Variants in DIAPH3 observed in about 807,000 individuals in gnomAD.
DIAPH3 encodes the protein diaphanous related formin 3.
DIAPH3 carries 117 observed loss-of-function variants against 144.3 expected under a neutral mutation model. The ratio of observed to expected loss-of-function variants is 0.81; its 90% CI spans 0.70 to 0.95. The LOEUF (loss-of-function observed/expected upper bound fraction) is 0.95, where lower values mean the gene tolerates loss of function less well. Among genes scored for constraint, DIAPH3 ranks in the 40% least tolerant of loss-of-function variants. The probability of loss-of-function intolerance (pLI) is 0.00; values close to 1 mark genes in which losing one functional copy is unlikely to be tolerated. For synonymous variants in DIAPH3, 519 were observed against 488.9 expected, an observed-to-expected ratio of 1.06 and a Z score of -0.81; for missense variants, 1,421 against 1,412.7, an observed-to-expected ratio of 1.01 and a Z score of -0.09.
chr13:59,776,769 C>T (rs995873205), intron 25 of DIAPH3, among the ~76,000 whole-genome samples: 1 of 151,962 alleles, frequency 6.6e-6, no homozygotes, highest in South Asian at 2.1e-4. Context: ...GATTCTCAGA[C>T]TATTGTGTGT....
chr13:59,740,556 T>C (rs1047446454), intron 27 of DIAPH3, among the ~76,000 whole-genome samples: 4 of 152,196 alleles, frequency 2.6e-5, no homozygotes, highest in African/African-American at 9.7e-5. Context: ...GAAGTTCTTC[T>C]ACAGTTTGTA....
intron 5 of DIAPH3, among the ~76,000 whole-genome samples, chr13:60,034,258 C>T (rs2055029228): frequency 6.6e-6 from 1 of 152,172 alleles, no homozygotes; most frequent in South Asian, 2.1e-4. Flanking sequence ...ATAAGGTTTA[C>T]ATTCTCAGAA....
intron 27 of DIAPH3, among the ~76,000 whole-genome samples, chr13:59,681,473 T>C (rs994081725): frequency 3.3e-5 from 5 of 152,082 alleles, no homozygotes; most frequent in African/African-American, 7.2e-5. Context: ...TGAGAGCCTC[T>C]CTCAAAAACA....
chr13:59,912,655 T>C (rs905604633), intron 19 of DIAPH3, among the ~76,000 whole-genome samples: 4 of 152,162 alleles, frequency 2.6e-5, no homozygotes, highest in African/African-American at 4.8e-5. Flanking sequence ...AGTTAGTGCA[T>C]TGATATTAAA....
At chr13:59,807,692 C>T (rs1448771021) in intron 25 of DIAPH3, among the ~76,000 whole-genome samples, 2 of 151,756 alleles carry the variant, frequency 1.3e-5, no homozygotes, top group African/African-American at 4.8e-5. Context: ...TACTTGAGGC[C>T]CACCGATGTT....
At chr13:59,743,006 G>A (rs537876558) in intron 27 of DIAPH3, among the ~76,000 whole-genome samples, 1 of 152,226 alleles carries the variant, frequency 6.6e-6, no homozygotes, top group East Asian at 1.9e-4. Flanking sequence ...ATCACACTGG[G>A]AACTGCCAGT....
At chr13:59,718,124 A>T (rs1477244637) in intron 27 of DIAPH3, among the ~76,000 whole-genome samples, 1 of 149,080 alleles carries the variant, frequency 6.7e-6, no homozygotes, top group East Asian at 1.9e-4. Context: ...TTCCAGTTTT[A>T]CAGGTGAGGA....
intron 5 of DIAPH3, among the ~76,000 whole-genome samples, chr13:60,034,248 A>G (rs2055028094): frequency 6.6e-6 from 1 of 152,250 alleles, no homozygotes; most frequent in South Asian, 2.1e-4. Flanking sequence ...CCATAAACAC[A>G]TAAGGTTTAC....
intron 7 of DIAPH3, chr13:60,013,348 A>G (rs1274933203): frequency 1.2e-5 from 4 of 328,320 alleles, no homozygotes; most frequent in Non-Finnish European, 1.3e-5. Context: ...CAGCATGACT[A>G]CTAGTGCTGA....
intron 1 of DIAPH3, among the ~76,000 whole-genome samples, chr13:60,136,159 A>G (rs1391616802): frequency 6.6e-6 from 1 of 152,214 alleles, no homozygotes; most frequent in African/African-American, 2.4e-5. Context: ...TTGTAAATAC[A>G]AAACTATAAG....
chr13:59,703,036 T>A (rs2034200270), intron 27 of DIAPH3, among the ~76,000 whole-genome samples: 1 of 152,174 alleles, frequency 6.6e-6, no homozygotes. Flanking sequence ...CTTTTCCTAA[T>A]CTTTAAAATA....
At chr13:59,776,594 C>G (rs56017018) in intron 25 of DIAPH3, among the ~76,000 whole-genome samples, 3,441 of 150,966 alleles carry the variant, frequency 0.023, 137 homozygotes, top group African/African-American at 0.08. Context: ...CAAATAGAAA[C>G]AAATAAACAT....
Position 59,774,728 on chromosome 13 carries a change from CT to C in DIAPH3, c.3258del (p.Asp1087MetfsTer15), listed in dbSNP as rs2038303748. On this transcript the variant is annotated frameshift_variant and splice_region_variant, in exon 26 of 28. Transcript: ENST00000400324. LOFTEE classifies it high-confidence loss of function. ...AACATGAAACAAGTATAGGGTTCACCTTTTGGCATCGGTGTCCTTTTTCTTC... is the reference window on the plus strand; with the variant it reads ...AACATGAAACAAGTATAGGGTTCACCTTTGGCATCGGTGTCCTTTTTCTTC... ...RDRRKRTPMPKDVRQSLSPMS... is the reference protein window; with the variant it reads ...RDRRKRTPMPXDVRQSLSPMS... The C allele has an allele frequency of 1.2e-6, 2 of 1,613,730 alleles. No individual in the cohort carries two copies. The highest frequency in any genetic ancestry group is 2.2e-5 in the South Asian group (2 of 91,070).
chr13:60,004,949 A>G (rs1467819511), intron 9 of DIAPH3, among the ~76,000 whole-genome samples: 1 of 152,226 alleles, frequency 6.6e-6, no homozygotes. Context: ...CATTCCCGTG[A>G]CTTCCATAAC....
chr13:59,759,569 G>A (rs967830486), intron 27 of DIAPH3, among the ~76,000 whole-genome samples: 4 of 152,128 alleles, frequency 2.6e-5, no homozygotes, highest in Admixed American at 6.5e-5. Flanking sequence ...GAAAGGGAAC[G>A]GGGATCAGTA....
chr13:59,701,947 C>T (rs1479224138), intron 27 of DIAPH3, among the ~76,000 whole-genome samples: 4 of 152,166 alleles, frequency 2.6e-5, no homozygotes, highest in Admixed American at 1.3e-4. Context: ...CTGCCTTTCT[C>T]CAGATTATTT....
At chr13:59,841,881 A>T (rs535769376) in intron 22 of DIAPH3, among the ~76,000 whole-genome samples, 5 of 152,294 alleles carry the variant, frequency 3.3e-5, no homozygotes, top group South Asian at 4.1e-4. Flanking sequence ...TTTACAGATG[A>T]GGAAACTGGA....
At chr13:59,969,148 G>A (rs2050215350) in intron 17 of DIAPH3, among the ~76,000 whole-genome samples, 1 of 152,144 alleles carries the variant, frequency 6.6e-6, no homozygotes, top group South Asian at 2.1e-4. Flanking sequence ...CACGAAATTG[G>A]ATGAAATAAG....
At chr13:60,143,521 GT>G (rs1323963045) in intron 1 of DIAPH3, among the ~76,000 whole-genome samples, 1 of 152,162 alleles carries the variant, frequency 6.6e-6, no homozygotes, top group Non-Finnish European at 1.5e-5. Flanking sequence ...TTTGACCAAT[GT>G]TATTCTGCTT....
Sources: allele counts gnomAD v4.1 joint callset (sites outside exome capture counted in the v4.1 genomes callset), GRCh38; gene constraint gnomAD v4.1.1; transcripts MANE v1.5; gene names NCBI Gene and HGNC (gene_info 2026-07-23, HGNC 2026-07-21).